Variants in SNCAIP observed in about 807,000 individuals in gnomAD.
SNCAIP encodes synphilin-1.
SNCAIP carries 43 observed loss-of-function variants against 86.7 expected under a neutral mutation model. The observed-to-expected ratio is 0.50, with a 90% CI of 0.39 to 0.64. The LOEUF (loss-of-function observed/expected upper bound fraction) is 0.64, where lower values mean the gene tolerates loss of function less well. Ranked by LOEUF, SNCAIP falls within the 30% of genes least tolerant of loss-of-function variation. The probability of loss-of-function intolerance (pLI) is 0.00; values close to 1 mark genes in which losing one functional copy is unlikely to be tolerated. For missense variants in SNCAIP, 981 were observed against 1,103.1 expected, an observed-to-expected ratio of 0.89 and a Z score of 1.57; for synonymous variants, 417 against 427.2, an observed-to-expected ratio of 0.98 and a Z score of 0.29.
chr5:122,350,491 T>C (rs1033526378), intron 1 of SNCAIP, among the ~76,000 whole-genome samples: 2 of 151,744 alleles, frequency 1.3e-5, no homozygotes, highest in African/African-American at 4.8e-5. Context: ...TTACAAAGGG[T>C]TTACAAGGAG....
At chr5:122,382,888 A>C (rs1767204640) in intron 1 of SNCAIP, among the ~76,000 whole-genome samples, 1 of 152,230 alleles carries the variant, frequency 6.6e-6, no homozygotes. Context: ...TTGAGGAGGC[A>C]GTCTGCCCGT....
At chr5:122,333,796 G>T (rs902785090) in intron 1 of SNCAIP, among the ~76,000 whole-genome samples, 6 of 152,218 alleles carry the variant, frequency 3.9e-5, no homozygotes, top group South Asian at 2.1e-4. Context: ...TGAGCAGGGG[G>T]TGGTTGTGTG....
intron 1 of SNCAIP, among the ~76,000 whole-genome samples, chr5:122,322,926 A>G (rs576822790): frequency 9.2e-5 from 14 of 152,202 alleles, no homozygotes; most frequent in Non-Finnish European, 1.5e-4. Context: ...CCTCTTTGCA[A>G]CTAAAATATA....
intron 1 of SNCAIP, 29 bp from the exon 2 acceptor site, chr5:122,391,060 C>T (rs1206859891): frequency 4.7e-6 from 6 of 1,275,080 alleles, no homozygotes; most frequent in Admixed American, 1.7e-5. Flanking sequence ...AATTTTTTTG[C>T]CTTTCTTTTC....
intron 1 of SNCAIP, among the ~76,000 whole-genome samples, chr5:122,341,676 G>A (rs1757624034): frequency 6.6e-6 from 1 of 152,022 alleles, no homozygotes; most frequent in Non-Finnish European, 1.5e-5. Context: ...CCCTTCACTG[G>A]CCCCTTCAGT....
intron 1 of SNCAIP, among the ~76,000 whole-genome samples, chr5:122,334,890 A>G (rs1207407481): frequency 6.6e-6 from 1 of 152,244 alleles, no homozygotes. Flanking sequence ...CCTCTTGGGC[A>G]AAAGTTATAT....
intron 3 of SNCAIP, among the ~76,000 whole-genome samples, chr5:122,404,795 T>G (rs1029494714): frequency 1.3e-5 from 2 of 152,214 alleles, no homozygotes; most frequent in African/African-American, 2.4e-5. Context: ...ACAAAGCTAA[T>G]TTACTTTTCC....
intron 1 of SNCAIP, among the ~76,000 whole-genome samples, chr5:122,381,338 G>A (rs960550808): frequency 7.1e-6 from 1 of 141,378 alleles, no homozygotes. Flanking sequence ...TTTAAAGTCT[G>A]TTTTATCAGA....
intron 6 of SNCAIP, among the ~76,000 whole-genome samples, chr5:122,437,691 G>A (rs1779832524): frequency 6.6e-6 from 1 of 152,278 alleles, no homozygotes; most frequent in East Asian, 1.9e-4. Flanking sequence ...ATCTTTCATT[G>A]TAAGGAAGAA....
chr5:122,395,507 T>C (rs1040762580), intron 2 of SNCAIP, among the ~76,000 whole-genome samples: 2 of 152,182 alleles, frequency 1.3e-5, no homozygotes, highest in Non-Finnish European at 1.5e-5. Flanking sequence ...CTTTGCAACC[T>C]AGAGTAATGG....
In SNCAIP at chr5:122,432,069, G is replaced by A; in HGVS notation, c.1283G>A (p.Gly428Asp). Residue 428 changes from glycine (G) to aspartate (D), a missense_variant, in exon 6 of 11, where the codon GGT becomes GAT. Physicochemically the swap from Gly to Asp is moderately conservative, Grantham distance 94. Coordinates refer to ENST00000261368, the MANE Select transcript of SNCAIP (RefSeq NM_005460.4). ...TTTCCAAGCCTTATTCATTACGCAG[G>A]TTGCTATGGCCAGGTATGAAGGAGT... ...KDFPSLIHYA[G>D]CYGQEKILLW... 1 of 1,526,372 alleles carries A rather than the reference G, an allele frequency of 6.6e-7. No homozygotes were observed. Among genetic ancestry groups the A allele is most frequent in the Non-Finnish European group, 9.1e-7 (1 of 1,100,346 alleles). The allele number at this position is 1,526,372 out of a possible 1,614,324, so 94.6% of individuals were successfully genotyped here. A position where few individuals can be genotyped will look rare whatever the true frequency, so the allele number is the denominator to read the frequency against.
At chr5:122,447,399 T>A (rs1782555561) in intron 8 of SNCAIP, among the ~76,000 whole-genome samples, 1 of 152,248 alleles carries the variant, frequency 6.6e-6, no homozygotes, top group Non-Finnish European at 1.5e-5. Context: ...TTAAAGCTGA[T>A]GAGTTCTTCC....
intron 10 of SNCAIP, among the ~76,000 whole-genome samples, chr5:122,459,702 T>C (rs1297653452): frequency 6.6e-6 from 1 of 152,212 alleles, no homozygotes; most frequent in East Asian, 1.9e-4. Flanking sequence ...AAAGCAGAAA[T>C]GCCCATCAAA....
chr5:122,316,656 C>T (rs1379837771), intron 1 of SNCAIP, among the ~76,000 whole-genome samples: 3 of 152,300 alleles, frequency 2.0e-5, no homozygotes, highest in African/African-American at 7.2e-5. Flanking sequence ...AAAGAAAAGA[C>T]GGTCTGGCAC....
chr5:122,423,542 C>A lies in SNCAIP; in HGVS notation c.805C>A (p.Arg269=). The A allele has an allele frequency of 6.2e-7, 1 of 1,614,080 alleles. No homozygotes were observed. The highest frequency in any genetic ancestry group is 1.1e-5 in the South Asian group (1 of 91,052). ...LNKTFSDPHG[R]KVEKTTPDCQ... ...CAAGACATTTAGTGATCCTCATGGT[C>A]GAAAAGTTGAGAAGACAACACCAGA... The change falls in exon 4 of 11, where the codon CGA becomes AGA. Residue 269 remains arginine (R), a synonymous_variant. Transcript: ENST00000261368.
At chr5:122,345,136 G>C (rs1758340749) in intron 1 of SNCAIP, among the ~76,000 whole-genome samples, 1 of 152,080 alleles carries the variant, frequency 6.6e-6, no homozygotes, top group Non-Finnish European at 1.5e-5. Flanking sequence ...ATCACATCCT[G>C]GTCATGGGCA....
At chr5:122,324,652 C>A (rs536207721) in intron 1 of SNCAIP, among the ~76,000 whole-genome samples, 90 of 152,308 alleles carry the variant, frequency 5.9e-4, no homozygotes, top group Middle Eastern at 3.4e-3. Context: ...TATTTACACT[C>A]AGAACATCCA....
chr5:122,385,810 G>A (rs1315347615), intron 1 of SNCAIP, among the ~76,000 whole-genome samples: 2 of 151,926 alleles, frequency 1.3e-5, no homozygotes, highest in Non-Finnish European at 2.9e-5. Context: ...CCTCATCACC[G>A]AATGTACTCT....
intron 3 of SNCAIP, among the ~76,000 whole-genome samples, chr5:122,410,270 A>G (rs1424486552): frequency 6.6e-6 from 1 of 152,200 alleles, no homozygotes; most frequent in East Asian, 1.9e-4. Flanking sequence ...GGTTGTAATC[A>G]CAATATGAGG....
Sources: gnomAD v4.1 joint callset for allele counts (sites outside exome capture counted in the v4.1 genomes callset) on GRCh38, gnomAD v4.1.1 for gene constraint, MANE v1.5 for transcripts, NCBI Gene and HGNC (gene_info 2026-07-23, HGNC 2026-07-21) for gene names.